The following SHISA9 variants were observed in gnomAD, a reference collection of about 807,000 sequenced individuals.
The protein encoded by SHISA9 is protein shisa-9.
A neutral mutation model predicts 38.0 loss-of-function variants in SHISA9; 13 were observed. That is an observed-to-expected ratio of 0.34 (90% confidence interval 0.22 to 0.54). The LOEUF (loss-of-function observed/expected upper bound fraction) is 0.54. Among genes scored for constraint, SHISA9 ranks in the 20% least tolerant of loss-of-function variants. The probability of loss-of-function intolerance (pLI) is 0.91; values close to 1 mark genes in which losing one functional copy is unlikely to be tolerated. For synonymous variants in SHISA9, 275 were observed against 242.0 expected (o/e 1.14, Z -1.27); for missense variants, 538 against 575.8 (o/e 0.93, Z 0.67).
chr16:13,228,077 G>A (rs2051296521), intron 4 of SHISA9, among the ~76,000 whole-genome samples: 1 of 152,208 alleles, frequency 6.6e-6, no homozygotes, highest in Admixed American at 6.5e-5. Flanking sequence ...TTAAATCCAA[G>A]AGTGGTTAAT....
At chr16:13,178,386 G>A (rs116455338) in intron 2 of SHISA9, among the ~76,000 whole-genome samples, 1 of 151,294 alleles carries the variant, frequency 6.6e-6, no homozygotes, top group Admixed American at 6.6e-5. Flanking sequence ...AGTCTTCAAG[G>A]TTCCCAGTTC....
chr16:13,168,777 C>T (rs1050848008), intron 2 of SHISA9, among the ~76,000 whole-genome samples: 2 of 152,224 alleles, frequency 1.3e-5, no homozygotes, highest in African/African-American at 2.4e-5. Context: ...GCATTATTCA[C>T]GTTCCACTTG....
At chr16:13,055,085 C>T (rs1051912836) in intron 2 of SHISA9, among the ~76,000 whole-genome samples, 1 of 152,120 alleles carries the variant, frequency 6.6e-6, no homozygotes, top group African/African-American at 2.4e-5. Flanking sequence ...CCTAATTTGG[C>T]CATCATCATA....
chr16:13,108,496 G>A (rs1224929620), intron 2 of SHISA9, among the ~76,000 whole-genome samples: 1 of 151,982 alleles, frequency 6.6e-6, no homozygotes, highest in Non-Finnish European at 1.5e-5. Context: ...AAACTCCTGG[G>A]TCAGGTGATC....
chr16:13,407,827 A>G, the SHISA9 span, among the ~76,000 whole-genome samples: 1 of 152,252 alleles, frequency 6.6e-6, no homozygotes, highest in Non-Finnish European at 1.5e-5. Flanking sequence ...TACTTTCTTC[A>G]TAATTGTAGA....
chr16:13,002,762 A>G (rs1475547292), intron 2 of SHISA9, among the ~76,000 whole-genome samples: 1 of 151,900 alleles, frequency 6.6e-6, no homozygotes, highest in East Asian at 1.9e-4. Flanking sequence ...GGAACTCCCG[A>G]CCTCAGGTGA....
chr16:13,357,552 C>A, the SHISA9 span, among the ~76,000 whole-genome samples: 8 of 152,208 alleles, frequency 5.3e-5, no homozygotes, highest in African/African-American at 1.9e-4. Context: ...GGAGGTCCCC[C>A]GATCCGAGTC....
intron 2 of SHISA9, among the ~76,000 whole-genome samples, chr16:13,072,971 T>G (rs2073536287): frequency 6.6e-6 from 1 of 152,150 alleles, no homozygotes; most frequent in African/African-American, 2.4e-5. Flanking sequence ...TTATTTTATG[T>G]TTTGAGACAA....
intron 2 of SHISA9, among the ~76,000 whole-genome samples, chr16:13,197,277 C>G (rs1200338438): frequency 6.6e-6 from 1 of 152,082 alleles, no homozygotes; most frequent in Non-Finnish European, 1.5e-5. Context: ...GGCTATTCCT[C>G]CTTGGGATAT....
chr16:13,023,651 T>C (rs1004722048), intron 2 of SHISA9, among the ~76,000 whole-genome samples: 1 of 152,244 alleles, frequency 6.6e-6, no homozygotes, highest in Non-Finnish European at 1.5e-5. Context: ...GTAAAAGTAT[T>C]CCTATTTCTC....
At chr16:12,987,331 C>T (rs1234409507) in intron 2 of SHISA9, among the ~76,000 whole-genome samples, 1 of 152,192 alleles carries the variant, frequency 6.6e-6, no homozygotes, top group Non-Finnish European at 1.5e-5. Context: ...ATCCCAAAGG[C>T]ATGGAATCAA....
intron 2 of SHISA9, among the ~76,000 whole-genome samples, chr16:13,194,785 T>C (rs573763126): frequency 1.3e-5 from 2 of 152,306 alleles, no homozygotes; most frequent in South Asian, 2.1e-4. Flanking sequence ...TGTGTTCTAG[T>C]TGATAAAGTT....
chr16:13,457,496 A>T, the SHISA9 span, among the ~76,000 whole-genome samples: 1 of 151,926 alleles, frequency 6.6e-6, no homozygotes, highest in Non-Finnish European at 1.5e-5. Context: ...AGCACCACCT[A>T]TATAGGAAAA....
At chr16:13,006,397 A>C (rs116214468) in intron 2 of SHISA9, among the ~76,000 whole-genome samples, 2,697 of 152,232 alleles carry the variant, frequency 0.018, 85 homozygotes, top group African/African-American at 0.062. Context: ...ATATCAGCCA[A>C]CCTGTGACAG....
the SHISA9 span, among the ~76,000 whole-genome samples, chr16:13,394,664 G>A: frequency 6.6e-6 from 1 of 152,102 alleles, no homozygotes; most frequent in East Asian, 1.9e-4. Flanking sequence ...AACACTAATG[G>A]CCCTGCAATG....
chr16:13,245,065 G>T (rs1252128320), downstream of SHISA9, among the ~76,000 whole-genome samples: 1 of 152,076 alleles, frequency 6.6e-6, no homozygotes, highest in Non-Finnish European at 1.5e-5. Flanking sequence ...ACAGGTACGT[G>T]CCACCATGCC....
chr16:13,266,472 A>G, the SHISA9 span, among the ~76,000 whole-genome samples: 1 of 152,042 alleles, frequency 6.6e-6, no homozygotes, highest in East Asian at 1.9e-4. Context: ...CACCATGAGG[A>G]TTGTCCAGGC....
At chr16:13,153,265 C>T (rs2050514927) in intron 2 of SHISA9, among the ~76,000 whole-genome samples, 1 of 151,146 alleles carries the variant, frequency 6.6e-6, no homozygotes, top group Non-Finnish European at 1.5e-5. Flanking sequence ...ATATAGAGCT[C>T]AACCAGAAAA....
chr16:13,371,156 T>G, the SHISA9 span, among the ~76,000 whole-genome samples: 1 of 152,332 alleles, frequency 6.6e-6, no homozygotes, highest in East Asian at 1.9e-4. Context: ...GTTAGGTAAC[T>G]TATCCAAAAC....
Sources: allele counts gnomAD v4.1 joint callset (sites outside exome capture counted in the v4.1 genomes callset), GRCh38; gene constraint gnomAD v4.1.1; transcripts MANE v1.5; gene names NCBI Gene and HGNC (gene_info 2026-07-23, HGNC 2026-07-21).